The following PDZD7 variants were observed in gnomAD, a reference collection of about 807,000 sequenced individuals.
The protein encoded by PDZD7 is PDZ domain containing 7, also known as PDZ domain-containing protein 7.
PDZD7 carries 72 observed loss-of-function variants against 84.7 expected under a neutral mutation model. The ratio of observed to expected loss-of-function variants is 0.85; its 90% CI spans 0.70 to 1.03. The LOEUF is 1.03. Ranked by LOEUF, PDZD7 falls within the 50% of genes least tolerant of loss-of-function variation. PDZD7 has a pLI of 0.00. For synonymous variants in PDZD7, 594 were observed against 580.7 expected (o/e 1.02, Z -0.33); for missense variants, 1,490 against 1,412.9 (o/e 1.05, Z -0.87).
At chr10:101,026,808 G>A (rs971483929) in intron 2 of PDZD7, among the ~76,000 whole-genome samples, 4 of 151,680 alleles carry the variant, frequency 2.6e-5, no homozygotes, top group Non-Finnish European at 5.9e-5. Context: ...GGTGGTGCAG[G>A]ACAGATGTGG....
intron 9 of PDZD7, 86 bp downstream of exon 9, chr10:101,018,013 C>G: frequency 6.5e-7 from 1 of 1,544,238 alleles, no homozygotes. Context: ...TGGTAAGACG[C>G]GGTGTGGGAT....
intron 10 of PDZD7, 50 bp downstream of exon 10, chr10:101,016,327 T>C: frequency 6.5e-7 from 1 of 1,543,388 alleles, no homozygotes; most frequent in Non-Finnish European, 8.8e-7. Context: ...TGCACCCTCA[T>C]CTGCCGCTCT....
intron 2 of PDZD7, 129 bp from the exon 3 acceptor site, chr10:101,024,197 A>G: frequency 7.8e-7 from 1 of 1,285,476 alleles, no homozygotes; most frequent in Non-Finnish European, 1.1e-6. Flanking sequence ...AGGGGCCTAA[A>G]TGCAGTGGGG....
At chr10:101,030,430 C>T (rs1590082119) in intron 1 of PDZD7, 46 bp from the exon 2 acceptor site, 1 of 674,540 alleles carries the variant, frequency 1.5e-6, no homozygotes, top group East Asian at 2.7e-5. Flanking sequence ...AATGTTTCCC[C>T]TGCTGCCCCC....
At chr10:101,013,223 CAT>C (rs1162813510) in intron 11 of PDZD7, among the ~76,000 whole-genome samples, 3 of 152,348 alleles carry the variant, frequency 2.0e-5, no homozygotes, top group East Asian at 1.9e-4. Flanking sequence ...TGGAGAGACA[CAT>C]GTGGTGCAGA....
intron 9 of PDZD7, chr10:101,017,513 T>C (rs896154585): frequency 1.6e-5 from 11 of 678,042 alleles, no homozygotes; most frequent in Non-Finnish European, 3.0e-5. Context: ...CCAGGTGTGG[T>C]AGATCACGCT....
At chr10:101,026,166 G>A (rs1001447646) in intron 2 of PDZD7, among the ~76,000 whole-genome samples, 2 of 150,996 alleles carry the variant, frequency 1.3e-5, no homozygotes, top group African/African-American at 4.9e-5. Context: ...ACGGAATCTC[G>A]CTTCTTCTCC....
rs1314439518 is a variant in PDZD7 at position 101,009,243 on chromosome 10, C to T, written c.2718+7G>A. On this transcript the variant is annotated splice_region_variant and intron_variant, in intron 16 of 16. Coordinates refer to ENST00000619208, the MANE Select transcript of PDZD7 (RefSeq NM_001195263.2). ...TGAGAGGGTGGGCCAGGGCATGCTT[C>T]ACCCACCTGCAGGGCCCCACTGAGG... 1 of 1,533,272 alleles carries T rather than the reference C, an allele frequency of 6.5e-7. No homozygotes were observed. Among genetic ancestry groups the T allele is most frequent in the Non-Finnish European group, 8.7e-7 (1 of 1,144,506 alleles). 95.0% of individuals were successfully genotyped at this position (1,533,272 alleles called of 1,614,324 possible).
chr10:101,020,425 A>G (rs955757218), intron 7 of PDZD7, among the ~76,000 whole-genome samples, 193 bp downstream of exon 7: 1 of 151,998 alleles, frequency 6.6e-6, no homozygotes, highest in Non-Finnish European at 1.5e-5. Context: ...ATTTGTAGAG[A>G]CGAGGTCTAC....
chr10:101,022,428 C>A, intron 4 of PDZD7, 43 bp from the exon 5 acceptor site: 3 of 1,610,198 alleles, frequency 1.9e-6, no homozygotes, highest in Non-Finnish European at 2.5e-6. Context: ...CCTCCATCCA[C>A]TGCCACCCAC....
chr10:101,020,747 G>T (rs1853043723), intron 6 of PDZD7, 69 bp from the exon 7 acceptor site: 2 of 1,157,700 alleles, frequency 1.7e-6, no homozygotes, highest in Admixed American at 3.4e-5. Context: ...AATGGGGCGG[G>T]GGTGACAGGA....
intron 2 of PDZD7, 78 bp from the exon 3 acceptor site, chr10:101,024,146 C>T: frequency 6.2e-7 from 1 of 1,607,270 alleles, no homozygotes; most frequent in Non-Finnish European, 8.5e-7. Context: ...AACTTGGGGC[C>T]TGCAAAGGCT....
At chr10:101,018,750 C>T in intron 8 of PDZD7, 72 bp downstream of exon 8, 7 of 1,479,236 alleles carry the variant, frequency 4.7e-6, no homozygotes, top group South Asian at 4.1e-5. Flanking sequence ...GGTTTGAGCC[C>T]GGGACAGGAT....
intron 15 of PDZD7, among the ~76,000 whole-genome samples, chr10:101,009,583 T>C (rs1253809193): frequency 6.6e-6 from 1 of 151,216 alleles, no homozygotes; most frequent in Admixed American, 6.6e-5. Context: ...TATTTATTTA[T>C]TTTTTGAGAC....
rs1056118118 is a variant in PDZD7, at chr10:101,009,370, C to T, written c.2618-20G>A. 14 of 1,529,188 alleles carry T rather than the reference C, an allele frequency of 9.2e-6. No individual in the cohort carries two copies. In the Admixed American group the frequency reaches 2.6e-4, roughly 28 times the overall value. The allele number at this position is 1,529,188 out of a possible 1,614,324, so 94.7% of individuals were successfully genotyped here. The stretch of plus-strand genomic sequence containing the variant: ...TGATACCTAGTGACAGGGAGAAACA[C>T]CGTGTGAGAGTGCAGCCGGACCCCA... On this transcript the variant is annotated intron_variant, in intron 15 of 16. Transcript: ENST00000619208.
intron 9 of PDZD7, 88 bp from the exon 10 acceptor site, chr10:101,016,515 G>C: frequency 7.2e-7 from 1 of 1,386,632 alleles, no homozygotes; most frequent in Non-Finnish European, 1.0e-6. Flanking sequence ...CTGGAATGGA[G>C]AATTCAGACT....
chr10:101,012,306 G>T, intron 11 of PDZD7, 48 bp from the exon 12 acceptor site: 1 of 1,439,068 alleles, frequency 6.9e-7, no homozygotes, highest in Non-Finnish European at 9.5e-7. Context: ...GGCTTCCAGA[G>T]CTGAGTGAGG....
chr10:101,028,542 C>T (rs1028104144), intron 2 of PDZD7, among the ~76,000 whole-genome samples: 4 of 151,560 alleles, frequency 2.6e-5, no homozygotes, highest in Admixed American at 2.0e-4. Flanking sequence ...CTGCAGTGAG[C>T]TATGATCACA....
intron 8 of PDZD7, 63 bp downstream of exon 8, chr10:101,018,759 A>T: frequency 2.0e-6 from 3 of 1,500,976 alleles, no homozygotes; most frequent in South Asian, 2.7e-5. Context: ...CCGGGACAGG[A>T]TGTGAGACAG....
Sources: gnomAD v4.1 joint callset for allele counts (sites outside exome capture counted in the v4.1 genomes callset) on GRCh38, gnomAD v4.1.1 for gene constraint, MANE v1.5 for transcripts, NCBI Gene and HGNC (gene_info 2026-07-23, HGNC 2026-07-21) for gene names.